PREX2: variants seen among roughly 807,000 people sequenced by gnomAD.
PREX2 encodes the protein phosphatidylinositol-3,4,5-trisphosphate dependent Rac exchange factor 2.
A neutral mutation model predicts 203.2 loss-of-function variants in PREX2; 107 were observed. That is an observed-to-expected ratio of 0.53 (90% CI 0.45 to 0.62). PREX2 has a LOEUF of 0.62. Ranked by LOEUF, PREX2 falls within the 20% of genes least tolerant of loss-of-function variation. The probability of loss-of-function intolerance (pLI) is 0.00; values close to 1 mark genes in which losing one functional copy is unlikely to be tolerated. For missense variants in PREX2, 1,777 were observed against 1,955.9 expected (o/e 0.91, Z 1.72); for synonymous variants, 672 against 663.6 (o/e 1.01, Z -0.19).
At chr8:68,192,587 G>T in intron 37 of PREX2, 62 bp downstream of exon 37, 1 of 1,355,568 alleles carries the variant, frequency 7.4e-7, no homozygotes, top group Non-Finnish European at 9.9e-7. Context: ...GATGGTTTTT[G>T]TTTACATTTT....
At chr8:68,199,137 T>TG (rs949541712) in intron 37 of PREX2, among the ~76,000 whole-genome samples, 24 of 136,908 alleles carry the variant, frequency 1.8e-4, no homozygotes, top group African/African-American at 5.7e-4. Flanking sequence ...TGCATTGGCA[T>TG]GGGGGGGTTC....
Position 68,161,625 on chromosome 8 carries a change from T to C in PREX2, c.4346+4189T>C, listed in dbSNP as rs541622472. Among the ~76,000 whole-genome samples the C allele has an allele frequency of 3.2e-4, 49 of 152,268 alleles. No individual in the cohort carries two copies. The Middle Eastern group carries it at 0.024, about 74-fold the overall frequency. Reference sequence around the variant, plus strand: ...CTTGCTTAAAACATCAGTTGTATCCTACATTTTACCATAGGACAAAAATTT... The same window carrying C: ...CTTGCTTAAAACATCAGTTGTATCCCACATTTTACCATAGGACAAAAATTT... On this transcript the variant is annotated intron_variant, in intron 35 of 39. Transcript: ENST00000288368.
chr8:68,175,110 A>G (rs1461164092), intron 35 of PREX2, among the ~76,000 whole-genome samples: 3 of 152,202 alleles, frequency 2.0e-5, no homozygotes, highest in East Asian at 3.9e-4. Flanking sequence ...CCCGAGGAGC[A>G]CAGAACAGGA....
At position 68,080,566 on chromosome 8, in the gene PREX2, T is replaced by A. The variant is rs762412340; in HGVS notation, c.1766T>A (p.Val589Asp). 5 of 1,605,844 alleles carry A rather than the reference T, an allele frequency of 3.1e-6. No individual in the cohort carries two copies. Among genetic ancestry groups the A allele is most frequent in the Admixed American group, 1.7e-5 (1 of 59,630 alleles). ...CATGACTTAAAAGTTGTGGAAAATG[T>A]TATAGCTAAGTCATTATTGGTAAGT... ...MKHDLKVVEN[V>D]IAKSLLIKSN... Residue 589 changes from valine (V) to aspartate (D), a missense_variant, in exon 16 of 40, where the codon GTT becomes GAT. By Grantham distance (152) the Val-to-Asp change is radical (BLOSUM62 -3). Coordinates refer to ENST00000288368, the MANE Select transcript of PREX2 (RefSeq NM_024870.4).
chr8:68,138,531 T>C lies in PREX2; in HGVS notation c.4087+14T>C, dbSNP rs1448479607. 1 of 1,331,360 alleles carries C rather than the reference T, an allele frequency of 7.5e-7. No individual in the cohort carries two copies. The highest frequency in any genetic ancestry group is 1.9e-4 in the Middle Eastern group (1 of 5,254). The allele number at this position is 1,331,360 out of a possible 1,614,324, so 82.5% of individuals were successfully genotyped here. On this transcript the variant is annotated intron_variant, in intron 33 of 39. Coordinates refer to ENST00000288368, the MANE Select transcript of PREX2 (RefSeq NM_024870.4). ...CTCTGGTTGCAAGTAAGTAATTAGG[T>C]ATTTACAAAATTTATTTGGCATCAA...
At chr8:68,138,686 T>G (rs1294124710) in intron 33 of PREX2, among the ~76,000 whole-genome samples, 169 bp downstream of exon 33, 1 of 152,170 alleles carries the variant, frequency 6.6e-6, no homozygotes, top group Non-Finnish European at 1.5e-5. Flanking sequence ...ATTTTAAAAG[T>G]TATATATTCA....
rs114811202 is a variant in PREX2, at chr8:68,121,014, G to A, written c.3689G>A (p.Arg1230Gln). 2.1e-3 allele frequency: 3,361 copies of A among 1,613,638 alleles called. 45 individuals are homozygous for A. In the African/African-American group the frequency reaches 0.031, roughly 15 times the overall value. ...QDPWNLPSSVRTLAQNIRKFV... is the reference protein window; with the variant it reads ...QDPWNLPSSVQTLAQNIRKFV... ...CCTTGGAATCTTCCCAGCAGCGTCC[G>A]GACTCTTGCTCAGAACATCAGGAAA... is the stretch of plus-strand genomic sequence containing the variant. Residue 1230 changes from arginine to glutamine, a missense_variant, in exon 30 of 40, where the codon CGG (arginine) becomes CAG (glutamine). Transcript: ENST00000288368.
At chr8:68,024,593 G>A (rs573342586) in intron 4 of PREX2, among the ~76,000 whole-genome samples, 1 of 151,480 alleles carries the variant, frequency 6.6e-6, no homozygotes, top group African/African-American at 2.4e-5. Context: ...TCTACTTTTT[G>A]TCCAGTCTGA....
intron 37 of PREX2, among the ~76,000 whole-genome samples, chr8:68,197,620 A>G (rs1478881417): frequency 6.6e-6 from 1 of 151,642 alleles, no homozygotes; most frequent in Non-Finnish European, 1.5e-5. Context: ...TCAAGTTTCA[A>G]TGTATGTATT....
intron 35 of PREX2, among the ~76,000 whole-genome samples, chr8:68,186,624 C>T (rs1408405555): frequency 6.6e-6 from 1 of 152,082 alleles, no homozygotes; most frequent in East Asian, 1.9e-4. Flanking sequence ...AGCAATTCTC[C>T]TGCCTCAGCC....
chr8:68,113,310 C>T, intron 25 of PREX2, among the ~76,000 whole-genome samples: 1 of 152,248 alleles, frequency 6.6e-6, no homozygotes, highest in Admixed American at 6.5e-5. Flanking sequence ...ATGCTTAGCC[C>T]CATGACTTCT....
intron 1 of PREX2, among the ~76,000 whole-genome samples, chr8:67,982,476 T>C (rs1806301955): frequency 6.6e-6 from 1 of 152,168 alleles, no homozygotes; most frequent in Non-Finnish European, 1.5e-5. Context: ...CTGTTTGCAA[T>C]TGTAATACCT....
rs199541834 is a variant in PREX2 at position 68,080,472 on chromosome 8, C to T, written c.1672C>T (p.Pro558Ser). The change falls in exon 16 of 40, where the codon CCC (proline) becomes TCC (serine). Residue 558 changes from proline (P) to serine (S), a missense_variant. Pro to Ser is a moderately conservative substitution (Grantham distance 74). Coordinates refer to ENST00000288368, the MANE Select transcript of PREX2 (RefSeq NM_024870.4). The stretch of plus-strand genomic sequence containing the variant: ...TGAAAAAAGCGAATTCAAAGATGAA[C>T]CCCTACTTTTCCGTTTTTTTTCGGA... Reference protein sequence around the residue: ...VLEKSEFKDEPLLFRFFSDEE... With the variant: ...VLEKSEFKDESLLFRFFSDEE... 6.2e-7 allele frequency: 1 copy of T among 1,609,112 alleles called. No individual in the cohort carries two copies. Among genetic ancestry groups the T allele is most frequent in the Non-Finnish European group, 8.5e-7 (1 of 1,177,236 alleles).
intron 35 of PREX2, among the ~76,000 whole-genome samples, chr8:68,170,118 C>G (rs962061576): frequency 6.6e-6 from 1 of 152,118 alleles, no homozygotes; most frequent in African/African-American, 2.4e-5. Context: ...TGGATGCACT[C>G]AAGTCATAGG....
intron 34 of PREX2, among the ~76,000 whole-genome samples, chr8:68,156,643 A>G (rs1811548956): frequency 6.6e-6 from 1 of 152,212 alleles, no homozygotes; most frequent in Admixed American, 6.5e-5. Flanking sequence ...GGAGATACCT[A>G]AGGAATAGTG....
intron 37 of PREX2, among the ~76,000 whole-genome samples, chr8:68,205,207 A>G (rs2129614987): frequency 6.6e-6 from 1 of 152,340 alleles, no homozygotes; most frequent in East Asian, 1.9e-4. Context: ...TGCAGTTGTT[A>G]GCCTGTCATT....
chr8:68,212,674 T>C (rs1812761690), intron 37 of PREX2, among the ~76,000 whole-genome samples: 1 of 152,220 alleles, frequency 6.6e-6, no homozygotes, highest in East Asian at 1.9e-4. Flanking sequence ...ACTCTTTGCC[T>C]CTTCAAATTA....
chr8:68,115,015 TTC>T (rs1810616505), intron 25 of PREX2, among the ~76,000 whole-genome samples: 1 of 136,256 alleles, frequency 7.3e-6, no homozygotes, highest in South Asian at 2.4e-4. Flanking sequence ...TTCTTTTCTT[TTC>T]TTTCTTTTTT....
At position 68,233,907 on chromosome 8, in the gene PREX2, C is replaced by G. The variant is rs1335300957; in HGVS notation, c.*2529C>G. 1 of 152,024 alleles carries G rather than the reference C, an allele frequency of 6.6e-6. No homozygotes were observed. 9.4% of individuals were successfully genotyped at this position (152,024 alleles called of 1,614,324 possible). On this transcript the variant is annotated 3_prime_UTR_variant, in exon 40 of 40. Transcript: ENST00000288368. ...ATTTGTAAGTAAATTTGGAGTTATG[C>G]GGCATGTGTTGTCATTAAATTATAC...
Sources: gnomAD v4.1 joint callset for allele counts (sites outside exome capture counted in the v4.1 genomes callset) on GRCh38, gnomAD v4.1.1 for gene constraint, MANE v1.5 for transcripts, NCBI Gene and HGNC (gene_info 2026-07-23, HGNC 2026-07-21) for gene names.